DNAH7: variants seen among roughly 807,000 people sequenced by gnomAD.
The protein encoded by DNAH7 is axonemal beta dynein heavy chain 7.
In DNAH7, 397 loss-of-function variants were observed where a neutral mutation model predicts 444.6. The observed-to-expected ratio is 0.89, with a 90% CI of 0.82 to 0.97. DNAH7 has a LOEUF of 0.97. DNAH7 is among the 50% of genes least tolerant of loss of function. The probability of loss-of-function intolerance (pLI) is 0.00; values close to 1 mark genes in which losing one functional copy is unlikely to be tolerated. For missense variants in DNAH7, 4,902 were observed against 4,800.8 expected (o/e 1.02, Z -0.62); for synonymous variants, 1,636 against 1,624.4 (o/e 1.01, Z -0.17).
intron 54 of DNAH7, among the ~76,000 whole-genome samples, chr2:195,801,083 CA>C (rs1022336487): frequency 8.0e-4 from 122 of 152,252 alleles, no homozygotes; most frequent in Middle Eastern, 3.4e-3. Context: ...TGACATTGCA[CA>C]AAAGCCCTCA....
intron 5 of DNAH7, among the ~76,000 whole-genome samples, chr2:196,043,511 T>C (rs1696906475): frequency 6.6e-6 from 1 of 151,686 alleles, no homozygotes. Context: ...AGGCAAAGAG[T>C]TCATGACCAA....
Position 195,824,334 on chromosome 2 carries a change from A to ACTC in DNAH7, c.9211_9212insGAG (p.Ile3071delinsArgVal). 6.2e-7 allele frequency: 1 copy of ACTC among 1,613,976 alleles called. No individual in the cohort carries two copies. Among genetic ancestry groups the ACTC allele is most frequent in the Non-Finnish European group, 8.5e-7 (1 of 1,179,926 alleles). On this transcript the variant is annotated protein_altering_variant, in exon 49 of 65. Transcript: ENST00000312428. Reference sequence around the variant, plus strand: ...GAAGCGGAAGTCAGGTGCATATTCAATTGTGGAGTCCCCAAGCCGGATACA... The same window carrying ACTC: ...GAAGCGGAAGTCAGGTGCATATTCAACTCTTGTGGAGTCCCCAAGCCGGATACA...
rs769000557 is a variant in DNAH7 at position 195,935,406 on chromosome 2, G to A, written c.3273-617C>T. Among the ~76,000 whole-genome samples, 8 of 152,252 alleles carry A rather than the reference G, an allele frequency of 5.3e-5. No homozygotes were observed. In the East Asian group the frequency reaches 1.5e-3, roughly 29 times the overall value. ...AGTATAAAAACTCAGATAGAAATCT[G>A]AGCCTAAATTTACCTTTTGTTTAGA... is the stretch of plus-strand genomic sequence containing the variant. On this transcript the variant is annotated intron_variant, in intron 20 of 64. Coordinates refer to ENST00000312428, the MANE Select transcript of DNAH7 (RefSeq NM_018897.3).
At chr2:195,748,973 A>G (rs941734085) in intron 63 of DNAH7, among the ~76,000 whole-genome samples, 1 of 152,192 alleles carries the variant, frequency 6.6e-6, no homozygotes, top group African/African-American at 2.4e-5. Flanking sequence ...AACAAAGCCA[A>G]AATTGACAAA....
chr2:195,852,900 AC>A (rs1699455568), intron 46 of DNAH7, among the ~76,000 whole-genome samples: 1 of 118,700 alleles, frequency 8.4e-6, no homozygotes, highest in Admixed American at 8.6e-5. Flanking sequence ...GTACACACAC[AC>A]ACACACACAC....
chr2:195,901,282 T>C (rs1686689161), intron 27 of DNAH7: 1 of 152,134 alleles, frequency 6.6e-6, no homozygotes, highest in Non-Finnish European at 1.5e-5. Flanking sequence ...ATGTATTATG[T>C]TTGTCAATCA....
chr2:195,823,549 T>C (rs913375703), intron 49 of DNAH7, among the ~76,000 whole-genome samples: 1 of 152,176 alleles, frequency 6.6e-6, no homozygotes, highest in Non-Finnish European at 1.5e-5. Flanking sequence ...TATATAACTC[T>C]TGCCTCTCTA....
chr2:195,934,714 G>A lies in DNAH7; in HGVS notation c.3348C>T (p.His1116=), dbSNP rs1269624816. 2 of 1,613,982 alleles carry A rather than the reference G, an allele frequency of 1.2e-6. No homozygotes were observed. The highest frequency in any genetic ancestry group is 1.7e-6 in the Non-Finnish European group (2 of 1,179,996). ...VEFTETLDIT[H]MKSSEGEVVE... is the part of the protein sequence containing the mutation. ...CAACCTCTCCTTCGCTGCTCTTCAT[G>A]TGAGTAATGTCTAAAGTTTCCGTAA... Residue 1116 remains histidine (H), a synonymous_variant, in exon 21 of 65, where the codon CAC becomes CAT. Coordinates refer to ENST00000312428, the MANE Select transcript of DNAH7 (RefSeq NM_018897.3).
chr2:195,999,912 T>C (rs1197970882), intron 12 of DNAH7, among the ~76,000 whole-genome samples: 1 of 152,124 alleles, frequency 6.6e-6, no homozygotes, highest in Non-Finnish European at 1.5e-5. Flanking sequence ...AAGCCTATTT[T>C]TCAAAATTAA....
At chr2:195,906,410 A>AACACACACACACACACACACAC (rs150739355) in intron 27 of DNAH7, among the ~76,000 whole-genome samples, 8 of 139,780 alleles carry the variant, frequency 5.7e-5, no homozygotes, top group African/African-American at 2.0e-4. Flanking sequence ...TACACACAGA[A>AACACACACACACACACACACAC]ACACACACAC....
At chr2:195,922,631 G>A (rs950939503) in intron 23 of DNAH7, among the ~76,000 whole-genome samples, 1 of 151,990 alleles carries the variant, frequency 6.6e-6, no homozygotes, top group Non-Finnish European at 1.5e-5. Flanking sequence ...TTCCCAGGAC[G>A]CTAGTTCTCA....
At chr2:195,975,653 A>T (rs1219844297) in intron 15 of DNAH7, among the ~76,000 whole-genome samples, 1 of 151,980 alleles carries the variant, frequency 6.6e-6, no homozygotes, top group Non-Finnish European at 1.5e-5. Flanking sequence ...TCCAAAGAAG[A>T]CCCCTTCATT....
chr2:196,067,400 G>GA (rs536101477), intron 1 of DNAH7, among the ~76,000 whole-genome samples: 6 of 152,144 alleles, frequency 3.9e-5, no homozygotes, highest in South Asian at 2.1e-4. Context: ...ATATCATGTA[G>GA]AAAAAAACTA....
At chr2:195,961,812 A>T (rs897345070) in intron 17 of DNAH7, among the ~76,000 whole-genome samples, 1 of 152,164 alleles carries the variant, frequency 6.6e-6, no homozygotes, top group South Asian at 2.1e-4. Context: ...AAATAGAAAA[A>T]AAGTATTATA....
In DNAH7 at chr2:195,900,320, C is replaced by T. The variant is rs1195633870; in HGVS notation, c.4510G>A (p.Ala1504Thr). ...SQHHYDYGMR[A>T]VKSVLTAAGN... Reference sequence around the variant, plus strand: ...GCAGCAGTAAGAACTGACTTCACGGCTCTCATTCCATAGTCGTAGTGATGT... The same window carrying T: ...GCAGCAGTAAGAACTGACTTCACGGTTCTCATTCCATAGTCGTAGTGATGT... The change falls in exon 28 of 65, where the codon GCC becomes ACC. Residue 1504 changes from alanine to threonine, a missense_variant. Ala to Thr is a moderately conservative substitution (Grantham distance 58). Transcript: ENST00000312428. 34 of 1,613,982 alleles carry T rather than the reference C, an allele frequency of 2.1e-5. No individual in the cohort carries two copies. Among genetic ancestry groups the T allele is most frequent in the Middle Eastern group, 1.7e-4 (1 of 6,060 alleles).
chr2:195,806,254 ATTAT>A (rs1696704506), intron 54 of DNAH7, among the ~76,000 whole-genome samples: 1 of 152,144 alleles, frequency 6.6e-6, no homozygotes. Context: ...TATATAATTT[ATTAT>A]TTAAAGAAGT....
At chr2:195,810,969 C>T (rs1696942748) in intron 51 of DNAH7, among the ~76,000 whole-genome samples, 2 of 152,122 alleles carry the variant, frequency 1.3e-5, no homozygotes, top group Admixed American at 1.3e-4. Context: ...ATTTTCTGCA[C>T]TTTAAAACAA....
chr2:195,793,669 T>C (rs1461553157), intron 57 of DNAH7, among the ~76,000 whole-genome samples: 2 of 152,260 alleles, frequency 1.3e-5, no homozygotes, highest in African/African-American at 4.8e-5. Context: ...TTATTTTTAA[T>C]GTTTTCCTTT....
At chr2:196,046,258 ATGG>A (rs1697118661) in intron 5 of DNAH7, among the ~76,000 whole-genome samples, 1 of 152,132 alleles carries the variant, frequency 6.6e-6, no homozygotes, top group Non-Finnish European at 1.5e-5. Context: ...TCATGCCCAT[ATGG>A]GGAAGAAGAT....
Sources: gnomAD v4.1 joint callset for allele counts (sites outside exome capture counted in the v4.1 genomes callset) on GRCh38, gnomAD v4.1.1 for gene constraint, MANE v1.5 for transcripts, NCBI Gene and HGNC (gene_info 2026-07-23, HGNC 2026-07-21) for gene names.